The following CMPK2 variants were observed in gnomAD, a reference collection of about 807,000 sequenced individuals.
CMPK2 encodes the protein UMP-CMP kinase 2, mitochondrial.
A neutral mutation model predicts 33.4 loss-of-function variants in CMPK2; 32 were observed. That is an observed-to-expected ratio of 0.96 (90% CI 0.72 to 1.29). CMPK2 has a LOEUF of 1.29. CMPK2 is among the 50% of genes most tolerant of loss of function. The pLI, the probability that CMPK2 is intolerant of heterozygous loss-of-function variation, is 0.00. For synonymous variants in CMPK2, 299 were observed against 275.3 expected (o/e 1.09, Z -0.85); for missense variants, 672 against 616.0 (o/e 1.09, Z -0.96).
In CMPK2 at chr2:6,865,798, C is replaced by G; in HGVS notation, c.-102G>C. ...AAACCCGGAGGGAGCCAGGCGCCAG[C>G]GGGAAACGAAAGCGAAGCGTTGCGG... On this transcript the variant is annotated 5_prime_UTR_variant, in exon 1 of 5. Transcript: ENST00000256722. The G allele has an allele frequency of 7.9e-7, 1 of 1,262,498 alleles. No individual in the cohort carries two copies. The highest frequency in any genetic ancestry group is 4.4e-5 in the Admixed American group (1 of 22,870). 78.2% of individuals were successfully genotyped at this position (1,262,498 alleles called of 1,614,324 possible).
Position 6,850,791 on chromosome 2 carries a change from A to G in CMPK2, c.1226+659T>C, listed in dbSNP as rs193105071. On this transcript the variant is annotated intron_variant, in intron 4 of 4. Coordinates refer to ENST00000256722, the MANE Select transcript of CMPK2 (RefSeq NM_207315.4). ...GGCTATCATTGTTCAGTTAGAGAAA[A>G]TATTTCTGCTTCAGTTTTTAAAGGC... 14 of 985,806 alleles carry G rather than the reference A, an allele frequency of 1.4e-5. No individual in the cohort carries two copies. The East Asian group carries it at 1.5e-3, about 104-fold the overall frequency. The allele number at this position is 985,806 out of a possible 1,614,324, so 61.1% of individuals were successfully genotyped here.
Position 6,861,246 on chromosome 2 carries a change from G to T in CMPK2, c.930C>A (p.Gly310=). ...CTATTTCGGAGGCCACAATATAATTGCCCAAAGAGTAAAAAGCTCTTCTAA... is the reference window on the plus strand; with the variant it reads ...CTATTTCGGAGGCCACAATATAATTTCCCAAAGAGTAAAAAGCTCTTCTAA... ...TIIRRAFYSL[G]NYIVASEIAK... Residue 310 remains glycine (G), a synonymous_variant, in exon 3 of 5, where the codon GGC becomes GGA. Transcript: ENST00000256722. 6.2e-7 allele frequency: 1 copy of T among 1,613,972 alleles called. No homozygotes were observed. Among genetic ancestry groups the T allele is most frequent in the Non-Finnish European group, 8.5e-7 (1 of 1,179,976 alleles).
At chr2:6,853,044 G>C (rs1424377978) in intron 3 of CMPK2, among the ~76,000 whole-genome samples, 1 of 152,156 alleles carries the variant, frequency 6.6e-6, no homozygotes, top group Admixed American at 6.5e-5. Context: ...TTGCTTCCCA[G>C]GTTCAAGCAT....
downstream of CMPK2, among the ~76,000 whole-genome samples, chr2:6,846,223 G>A (rs747595997): frequency 6.5e-4 from 99 of 152,290 alleles, no homozygotes; most frequent in African/African-American, 2.0e-3. Flanking sequence ...AGCCCAGACC[G>A]TAAGAAAATT....
intron 3 of CMPK2, among the ~76,000 whole-genome samples, chr2:6,860,669 C>T (rs558752636): frequency 2.6e-5 from 4 of 152,244 alleles, no homozygotes; most frequent in South Asian, 4.1e-4. Flanking sequence ...TGCCGAATCT[C>T]GGGTATGTCT....
At position 6,865,044 on chromosome 2, in the gene CMPK2, G is replaced by T. The variant is rs779916192; in HGVS notation, c.653C>A (p.Ala218Asp). Residue 218 changes from alanine (A) to aspartate (D), a missense_variant, in exon 1 of 5, where the codon GCC (alanine) becomes GAC (aspartate). Transcript: ENST00000256722. ...PSSVVFPDRE[A>D]ARAVLEECTS... is the part of the protein sequence containing the mutation. ...TACCTCCTCCAAAACGGCCCGGGCG[G>T]CTTCCCGGTCCGGGAAGACCACGGA... The T allele has an allele frequency of 2.8e-6, 4 of 1,430,106 alleles. No homozygotes were observed. The highest frequency in any genetic ancestry group is 3.7e-6 in the Non-Finnish European group (4 of 1,090,032). 88.6% of individuals were successfully genotyped at this position (1,430,106 alleles called of 1,614,324 possible). A position where few individuals can be genotyped will look rare whatever the true frequency, so the allele number is the denominator to read the frequency against.
intron 3 of CMPK2, among the ~76,000 whole-genome samples, chr2:6,841,905 T>C (rs1175033615): frequency 6.6e-6 from 1 of 152,218 alleles, no homozygotes; most frequent in Admixed American, 6.5e-5. Context: ...AGTGTCTTTC[T>C]TTCCAAATAG....
chr2:6,857,004 C>T (rs1662723836), intron 3 of CMPK2, among the ~76,000 whole-genome samples: 1 of 152,220 alleles, frequency 6.6e-6, no homozygotes, highest in Admixed American at 6.5e-5. Context: ...GAGCAATCTT[C>T]CACTTTGCTA....
chr2:6,851,348 T>TTTC (rs1460812632), intron 4 of CMPK2, 102 bp downstream of exon 4: 1 of 1,545,954 alleles, frequency 6.5e-7, no homozygotes, highest in Non-Finnish European at 8.7e-7. Context: ...GTTTGAAAAC[T>TTTC]GGAAACAATA....
Position 6,849,402 on chromosome 2 carries a change from C to T in CMPK2, c.*448G>A. On this transcript the variant is annotated 3_prime_UTR_variant, in exon 5 of 5. Coordinates refer to ENST00000256722, the MANE Select transcript of CMPK2 (RefSeq NM_207315.4). Reference sequence around the variant, plus strand: ...AGCGAGCCCATCATGACGAGTGCAACCAGATGTGGAAGAAGCCAATGTGGG... The same window carrying T: ...AGCGAGCCCATCATGACGAGTGCAATCAGATGTGGAAGAAGCCAATGTGGG... The T allele has an allele frequency of 1.0e-6, 1 of 989,644 alleles. No homozygotes were observed. The highest frequency in any genetic ancestry group is 1.7e-5 in the African/African-American group (1 of 57,346). The allele number at this position is 989,644 out of a possible 1,614,324, so 61.3% of individuals were successfully genotyped here. A position where few individuals can be genotyped will look rare whatever the true frequency, so the allele number is the denominator to read the frequency against.
At chr2:6,856,017 A>G (rs1014716763) in intron 3 of CMPK2, among the ~76,000 whole-genome samples, 8 of 152,232 alleles carry the variant, frequency 5.3e-5, no homozygotes, top group African/African-American at 1.9e-4. Context: ...TAATGTCAAC[A>G]GGGCTGTTAG....
downstream of CMPK2, among the ~76,000 whole-genome samples, chr2:6,845,702 T>G (rs1344418686): frequency 6.6e-6 from 1 of 152,210 alleles, no homozygotes; most frequent in Admixed American, 6.5e-5. Context: ...GGCAAGACTC[T>G]TTAATGCAGG....
In CMPK2 at chr2:6,850,709, A is replaced by G. The variant is rs887793598; in HGVS notation, c.1227-736T>C. Reference sequence around the variant, plus strand: ...TAATACAAGTAAATTGCTTAACATAATATCTTTACCCACAGCAGCTACCAT... The same window carrying G: ...TAATACAAGTAAATTGCTTAACATAGTATCTTTACCCACAGCAGCTACCAT... On this transcript the variant is annotated intron_variant, in intron 4 of 4. Transcript: ENST00000256722. 43 of 970,132 alleles carry G rather than the reference A, an allele frequency of 4.4e-5. No homozygotes were observed. In the Middle Eastern group the frequency reaches 2.7e-3, roughly 60 times the overall value. 60.1% of individuals were successfully genotyped at this position (970,132 alleles called of 1,614,324 possible).
chr2:6,856,887 G>A (rs1662720096), intron 3 of CMPK2, among the ~76,000 whole-genome samples: 1 of 152,130 alleles, frequency 6.6e-6, no homozygotes, highest in African/African-American at 2.4e-5. Context: ...ACATATGCTG[G>A]TATTTATTTA....
chr2:6,847,473 C>G (rs1662390650), downstream of CMPK2, among the ~76,000 whole-genome samples: 1 of 152,230 alleles, frequency 6.6e-6, no homozygotes, highest in African/African-American at 2.4e-5. Context: ...GCCAGAGGCT[C>G]TCCTATCTGT....
At chr2:6,844,340 T>C (rs999234322), downstream of CMPK2, among the ~76,000 whole-genome samples, 7 of 152,198 alleles carry the variant, frequency 4.6e-5, no homozygotes, top group African/African-American at 1.7e-4. Flanking sequence ...CAACTTCCTT[T>C]TGATATCGGG....
downstream of CMPK2, among the ~76,000 whole-genome samples, chr2:6,843,827 C>T (rs1370764158): frequency 6.6e-6 from 1 of 152,174 alleles, no homozygotes; most frequent in Non-Finnish European, 1.5e-5. Context: ...GAGAGAAGGT[C>T]AGGACTGGAG....
intron 2 of CMPK2, among the ~76,000 whole-genome samples, chr2:6,862,966 T>G (rs1187626167): frequency 3.3e-5 from 5 of 152,182 alleles, no homozygotes; most frequent in African/African-American, 4.8e-5. Flanking sequence ...TTGACCTCAG[T>G]TTGACAGCTC....
rs1662874938 is a variant in CMPK2, at chr2:6,861,319, G to T, written c.857C>A (p.Ser286Tyr). ...GATCTTCCTCCACTGGCCAATGCAA[G>T]AGGGTGGTGACTTTAAGAGGACAGC... ...LKAVLLKSPP[S>Y]CIGQWRKIFD... Residue 286 changes from serine to tyrosine, a missense_variant, in exon 3 of 5, where the codon TCT becomes TAT. Coordinates refer to ENST00000256722, the MANE Select transcript of CMPK2 (RefSeq NM_207315.4). 2 of 1,614,176 alleles carry T rather than the reference G, an allele frequency of 1.2e-6. No individual in the cohort carries two copies. Among genetic ancestry groups the T allele is most frequent in the Non-Finnish European group, 1.7e-6 (2 of 1,180,034 alleles).
Sources: allele counts gnomAD v4.1 joint callset (sites outside exome capture counted in the v4.1 genomes callset), GRCh38; gene constraint gnomAD v4.1.1; transcripts MANE v1.5; gene names NCBI Gene and HGNC (gene_info 2026-07-23, HGNC 2026-07-21).